The following ERBB4 variants were observed in gnomAD, a reference collection of about 807,000 sequenced individuals.
ERBB4 encodes the protein erb-b2 receptor tyrosine kinase 4.
A neutral mutation model predicts 158.0 loss-of-function variants in ERBB4; 42 were observed. That is an observed-to-expected ratio of 0.27 (90% confidence interval 0.21 to 0.34). ERBB4 has a LOEUF of 0.34. Ranked by LOEUF, ERBB4 falls within the 10% of genes least tolerant of loss-of-function variation. The pLI, the probability that ERBB4 is intolerant of heterozygous loss-of-function variation, is 1.00. For missense variants in ERBB4, 1,333 were observed against 1,624.1 expected (o/e 0.82, Z 3.08); for synonymous variants, 583 against 558.7 (o/e 1.04, Z -0.61).
At chr2:211,893,544 G>A (rs2079023764) in intron 3 of ERBB4, among the ~76,000 whole-genome samples, 1 of 142,164 alleles carries the variant, frequency 7.0e-6, no homozygotes, top group Non-Finnish European at 1.5e-5. Context: ...GGCAACAAAA[G>A]CCTAAATTGA....
chr2:212,217,997 G>C (rs867406763), intron 1 of ERBB4, among the ~76,000 whole-genome samples: 20 of 151,294 alleles, frequency 1.3e-4, no homozygotes, highest in African/African-American at 4.1e-4. Flanking sequence ...TAAATTAGAT[G>C]AGAAAAAAGT....
chr2:212,190,251 G>A (rs986661879), intron 1 of ERBB4, among the ~76,000 whole-genome samples: 18 of 152,062 alleles, frequency 1.2e-4, no homozygotes, highest in African/African-American at 4.1e-4. Flanking sequence ...TAAGAAATGG[G>A]GGCAGCTGGG....
chr2:212,447,687 T>G (rs916951549), intron 1 of ERBB4, among the ~76,000 whole-genome samples: 1 of 152,142 alleles, frequency 6.6e-6, no homozygotes. Flanking sequence ...GATATTCTAA[T>G]ACACATTCCA....
intron 1 of ERBB4, among the ~76,000 whole-genome samples, chr2:212,309,743 T>G (rs1407602916): frequency 8.0e-6 from 1 of 124,336 alleles, no homozygotes; most frequent in Admixed American, 8.9e-5. Flanking sequence ...AATGCCATGG[T>G]AAGCTTTGAG....
intron 1 of ERBB4, among the ~76,000 whole-genome samples, chr2:212,129,227 C>T (rs2080033923): frequency 1.3e-5 from 2 of 151,358 alleles, no homozygotes; most frequent in Admixed American, 1.3e-4. Flanking sequence ...AATACTCATA[C>T]TTTAATATTA....
intron 2 of ERBB4, among the ~76,000 whole-genome samples, chr2:211,996,638 T>C (rs10176432): frequency 0.79 from 119,612 of 152,054 alleles, 48,726 homozygotes; most frequent in Non-Finnish European, 0.91. Flanking sequence ...AAAGATGCTT[T>C]CTAGATACTG....
chr2:212,091,771 AT>A (rs1348261973), intron 2 of ERBB4, among the ~76,000 whole-genome samples: 1 of 152,130 alleles, frequency 6.6e-6, no homozygotes, highest in African/African-American at 2.4e-5. Flanking sequence ...TTTTAAAATT[AT>A]TTTTTGTCTT....
chr2:211,995,746 C>T (rs1400462653), intron 2 of ERBB4, among the ~76,000 whole-genome samples: 1 of 152,178 alleles, frequency 6.6e-6, no homozygotes, highest in African/African-American at 2.4e-5. Context: ...TCCCTCCTTA[C>T]ACACCCAGTT....
At chr2:212,135,711 C>T (rs1225521411) in intron 1 of ERBB4, among the ~76,000 whole-genome samples, 1 of 152,184 alleles carries the variant, frequency 6.6e-6, no homozygotes, top group Admixed American at 6.5e-5. Flanking sequence ...TCTCTGCCTG[C>T]CCTCTTTATC....
At chr2:211,415,243 A>G (rs2063362126) in intron 25 of ERBB4, among the ~76,000 whole-genome samples, 2 of 148,316 alleles carry the variant, frequency 1.3e-5, no homozygotes, top group African/African-American at 2.5e-5. Context: ...CAGCCTCCCG[A>G]GTAGCCGGGA....
intron 3 of ERBB4, among the ~76,000 whole-genome samples, chr2:211,945,111 T>C (rs1301762709): frequency 6.6e-6 from 1 of 152,210 alleles, no homozygotes; most frequent in Non-Finnish European, 1.5e-5. Flanking sequence ...CTGAACTTAA[T>C]TACGGCACTT....
At chr2:211,445,861 G>A (rs2064099538) in intron 20 of ERBB4, among the ~76,000 whole-genome samples, 1 of 152,114 alleles carries the variant, frequency 6.6e-6, no homozygotes, top group South Asian at 2.1e-4. Flanking sequence ...TGCATGAGAG[G>A]AGCCAGTGAG....
intron 2 of ERBB4, among the ~76,000 whole-genome samples, chr2:212,044,839 TTTTC>T (rs1195038193): frequency 1.3e-5 from 2 of 152,062 alleles, no homozygotes; most frequent in African/African-American, 4.8e-5. Context: ...TGAAAAAATA[TTTTC>T]TTTCTTTCTT....
At chr2:211,602,783 A>T (rs936748126) in intron 19 of ERBB4, among the ~76,000 whole-genome samples, 3 of 152,192 alleles carry the variant, frequency 2.0e-5, no homozygotes, top group African/African-American at 7.2e-5. Flanking sequence ...AGAAGGAGGA[A>T]GATATGGTAT....
chr2:212,167,010 A>G (rs2081365705), intron 1 of ERBB4, among the ~76,000 whole-genome samples: 1 of 152,162 alleles, frequency 6.6e-6, no homozygotes, highest in Admixed American at 6.6e-5. Context: ...CCTTGGCAAT[A>G]CCATTCAGGA....
intron 2 of ERBB4, among the ~76,000 whole-genome samples, chr2:212,040,649 C>T (rs111915206): frequency 0.013 from 1,979 of 152,150 alleles, 22 homozygotes; most frequent in Middle Eastern, 0.027. Flanking sequence ...ATGGTAGCTC[C>T]GGTAAGTGTT....
intron 1 of ERBB4, among the ~76,000 whole-genome samples, chr2:212,140,247 G>A (rs932419140): frequency 6.6e-6 from 1 of 150,672 alleles, no homozygotes. Flanking sequence ...AAGAATATAT[G>A]GGTTTATGTA....
At chr2:211,767,611 C>T (rs1172363922) in intron 4 of ERBB4, among the ~76,000 whole-genome samples, 26 of 152,120 alleles carry the variant, frequency 1.7e-4, no homozygotes, top group Non-Finnish European at 2.9e-5. Flanking sequence ...GAAGGGGAAG[C>T]AAACACATCC....
intron 3 of ERBB4, among the ~76,000 whole-genome samples, chr2:211,928,465 A>T (rs947067507): frequency 1.3e-5 from 2 of 152,164 alleles, no homozygotes; most frequent in South Asian, 2.1e-4. Context: ...ACCCCTGGTA[A>T]GAGGGCTCGG....
Sources: gnomAD v4.1 joint callset for allele counts (sites outside exome capture counted in the v4.1 genomes callset) on GRCh38, gnomAD v4.1.1 for gene constraint, MANE v1.5 for transcripts, NCBI Gene and HGNC (gene_info 2026-07-23, HGNC 2026-07-21) for gene names.